Variants in CNTN5 observed in about 807,000 individuals in gnomAD.
The protein encoded by CNTN5 is contactin-5.
A neutral mutation model predicts 129.1 loss-of-function variants in CNTN5; 77 were observed. That is an observed-to-expected ratio of 0.60 (90% confidence interval 0.50 to 0.72). CNTN5 has a LOEUF of 0.72. Among genes scored for constraint, CNTN5 ranks in the 30% least tolerant of loss-of-function variants. The pLI is 0.00. For missense variants in CNTN5, 1,478 were observed against 1,328.8 expected, an observed-to-expected ratio of 1.11 and a Z score of -1.75; for synonymous variants, 509 against 465.6, an observed-to-expected ratio of 1.09 and a Z score of -1.20.
chr11:99,208,176 T>C (rs1460310635), intron 1 of CNTN5, among the ~76,000 whole-genome samples: 1 of 152,178 alleles, frequency 6.6e-6, no homozygotes, highest in Non-Finnish European at 1.5e-5. Flanking sequence ...AAACAGGCTT[T>C]GTAGCTTAAG....
intron 3 of CNTN5, among the ~76,000 whole-genome samples, chr11:99,714,659 C>T (rs1955143337): frequency 1.3e-5 from 2 of 151,858 alleles, no homozygotes. Flanking sequence ...TTCACAGTTA[C>T]AGCGAATAGC....
chr11:99,612,074 T>A (rs967583417), intron 3 of CNTN5, among the ~76,000 whole-genome samples: 10 of 152,182 alleles, frequency 6.6e-5, no homozygotes, highest in Non-Finnish European at 1.3e-4. Flanking sequence ...CAGCAACTGA[T>A]ATGTAGGAGG....
intron 2 of CNTN5, among the ~76,000 whole-genome samples, chr11:99,370,241 T>C (rs995290452): frequency 6.6e-6 from 1 of 152,222 alleles, no homozygotes; most frequent in Non-Finnish European, 1.5e-5. Flanking sequence ...AATTTTCCTG[T>C]ACACAATAGG....
At chr11:100,133,960 G>A (rs1273190031) in intron 13 of CNTN5, among the ~76,000 whole-genome samples, 1 of 151,984 alleles carries the variant, frequency 6.6e-6, no homozygotes. Context: ...GGAAGAACCA[G>A]GAAAAGCAAA....
At chr11:99,993,758 G>A (rs980216970) in intron 8 of CNTN5, among the ~76,000 whole-genome samples, 3 of 152,054 alleles carry the variant, frequency 2.0e-5, no homozygotes, top group African/African-American at 7.2e-5. Flanking sequence ...CCCTGAGCTA[G>A]GCTCAACTTT....
intron 9 of CNTN5, chr11:100,003,970 A>C (rs1411314208): frequency 2.0e-5 from 3 of 152,210 alleles, no homozygotes; most frequent in African/African-American, 7.2e-5. Flanking sequence ...AAAATAAACA[A>C]GATCAAAGAA....
chr11:99,344,976 T>C (rs893857044), intron 2 of CNTN5, among the ~76,000 whole-genome samples: 42 of 152,140 alleles, frequency 2.8e-4, no homozygotes, highest in Non-Finnish European at 5.7e-4. Flanking sequence ...ATGTGTAGCT[T>C]TCTGCATCTG....
At chr11:99,470,543 G>T (rs1945130999) in intron 2 of CNTN5, among the ~76,000 whole-genome samples, 1 of 151,712 alleles carries the variant, frequency 6.6e-6, no homozygotes, top group Admixed American at 6.6e-5. Context: ...TTCTATACTG[G>T]TTCATTTTTC....
chr11:99,630,860 G>C (rs190699908), intron 3 of CNTN5, among the ~76,000 whole-genome samples: 3 of 152,138 alleles, frequency 2.0e-5, no homozygotes, highest in African/African-American at 7.2e-5. Flanking sequence ...TGCTATTTTG[G>C]AGATAAATTA....
chr11:99,061,199 G>A (rs144354556), intron 1 of CNTN5, among the ~76,000 whole-genome samples: 88 of 152,268 alleles, frequency 5.8e-4, no homozygotes, highest in African/African-American at 2.1e-3. Flanking sequence ...TGGCCGGAGG[G>A]AGAGGGAAAC....
intron 15 of CNTN5, among the ~76,000 whole-genome samples, chr11:100,222,352 G>A (rs1055004281): frequency 6.6e-6 from 1 of 152,042 alleles, no homozygotes; most frequent in Non-Finnish European, 1.5e-5. Flanking sequence ...TCTATATCTC[G>A]CTCTCCTGAA....
At chr11:100,224,574 A>T in intron 15 of CNTN5, 118 bp from the exon 16 acceptor site, 1 of 847,348 alleles carries the variant, frequency 1.2e-6, no homozygotes, top group Non-Finnish European at 1.8e-6. Context: ...AATTGTTGTT[A>T]GATAAACTGT....
In CNTN5 at chr11:99,273,600, C is replaced by T. The variant is rs540351123; in HGVS notation, c.-209-51746C>T. ...TCATGCTGTAAAAATATATTGTTCC[C>T]AAATCTCTGTATCTCGGCTGGTTTG... On this transcript the variant is annotated intron_variant, in intron 1 of 24. Transcript: ENST00000524871. 4.6e-5 allele frequency among the ~76,000 whole-genome samples: 7 copies of T among 151,690 alleles called. No homozygotes were observed. In the South Asian group the frequency reaches 1.5e-3, roughly 32 times the overall value.
intron 2 of CNTN5, among the ~76,000 whole-genome samples, chr11:99,370,446 G>A (rs185214443): frequency 2.0e-5 from 3 of 152,264 alleles, no homozygotes; most frequent in African/African-American, 7.2e-5. Flanking sequence ...CTCTTAAGAA[G>A]TATTGAACAC....
chr11:99,147,492 T>G (rs916932311), intron 1 of CNTN5, among the ~76,000 whole-genome samples: 2 of 152,176 alleles, frequency 1.3e-5, no homozygotes, highest in African/African-American at 4.8e-5. Flanking sequence ...CAGCTAAATT[T>G]ACTTGTTTTC....
At chr11:100,178,341 T>G (rs1948033618) in intron 13 of CNTN5, among the ~76,000 whole-genome samples, 2 of 152,186 alleles carry the variant, frequency 1.3e-5, no homozygotes. Context: ...CCCTTTTTTC[T>G]TAAAATCTTC....
intron 13 of CNTN5, among the ~76,000 whole-genome samples, chr11:100,162,881 G>T (rs576398135): frequency 6.5e-4 from 98 of 151,750 alleles, no homozygotes; most frequent in Non-Finnish European, 1.1e-3. Context: ...AAAGATAGAT[G>T]GTACTTAACC....
At chr11:99,498,425 A>AT (rs929683958) in intron 2 of CNTN5, among the ~76,000 whole-genome samples, 4 of 152,006 alleles carry the variant, frequency 2.6e-5, no homozygotes, top group African/African-American at 4.8e-5. Flanking sequence ...TTTCCAACTA[A>AT]TTTTTTTATT....
At chr11:100,288,296 AG>A (rs1950851031) in intron 18 of CNTN5, among the ~76,000 whole-genome samples, 1 of 94,022 alleles carries the variant, frequency 1.1e-5, no homozygotes, top group African/African-American at 7.4e-5. Flanking sequence ...CCAAATCAAC[AG>A]AATATACATT....
Sources: gnomAD v4.1 joint callset for allele counts (sites outside exome capture counted in the v4.1 genomes callset) on GRCh38, gnomAD v4.1.1 for gene constraint, MANE v1.5 for transcripts, NCBI Gene and HGNC (gene_info 2026-07-23, HGNC 2026-07-21) for gene names.